NDRG2: variants seen among roughly 807,000 people sequenced by gnomAD.
The protein encoded by NDRG2 is protein NDRG2.
In NDRG2, 34 loss-of-function variants were observed where a neutral mutation model predicts 58.2. The ratio of observed to expected loss-of-function variants is 0.58; its 90% CI spans 0.44 to 0.78. The LOEUF (loss-of-function observed/expected upper bound fraction) is 0.78, where lower values mean the gene tolerates loss of function less well. Among genes scored for constraint, NDRG2 ranks in the 30% least tolerant of loss-of-function variants. NDRG2 has a pLI of 0.00. For synonymous variants in NDRG2, 187 were observed against 175.9 expected (o/e 1.06, Z -0.50); for missense variants, 434 against 471.2 (o/e 0.92, Z 0.73).
chr14:21,070,539 C>G lies in NDRG2; in HGVS notation c.24+289G>C. ...TGGGACTCTCCTCCCTCCCATCCCC[C>G]CTTCTTCGATTTGTCTGTCTGCCCG... is the stretch of plus-strand genomic sequence containing the variant. On this transcript the variant is annotated intron_variant, in intron 1 of 14. Coordinates refer to the NDRG2 transcript ENST00000403829. This position sits in a 1 kb window ranked among gnomAD's most constrained non-coding sequence, Gnocchi z 4.7. 1.8e-6 allele frequency: 2 copies of G among 1,088,530 alleles called. No homozygotes were observed. Among genetic ancestry groups the G allele is most frequent in the African/African-American group, 1.6e-5 (1 of 63,528 alleles). The allele number at this position is 1,088,530 out of a possible 1,614,324, so 67.4% of individuals were successfully genotyped here.
At chr14:21,060,965 T>C (rs1376351480) in intron 1 of NDRG2, among the ~76,000 whole-genome samples, 2 of 152,216 alleles carry the variant, frequency 1.3e-5, no homozygotes, top group Non-Finnish European at 2.9e-5. Flanking sequence ...TCAATACACA[T>C]TACGGCCTTG....
chr14:21,017,451 G>T lies in NDRG2; in HGVS notation c.*145C>A. ...ATCACGGGTTAAAGGTCAAGGTTAG[G>T]GTAGCAATCAAAGATCAAGGTCATC... On this transcript the variant is annotated 3_prime_UTR_variant, in exon 16 of 16. Coordinates refer to ENST00000556147, the MANE Select transcript of NDRG2 (RefSeq NM_001320329.2). 2.2e-6 allele frequency: 2 copies of T among 897,020 alleles called. No individual in the cohort carries two copies. Among genetic ancestry groups the T allele is most frequent in the Non-Finnish European group, 3.4e-6 (2 of 594,710 alleles). The allele number at this position is 897,020 out of a possible 1,614,324, so 55.6% of individuals were successfully genotyped here.
At chr14:21,031,176 G>A (rs777195711) in intron 1 of NDRG2, 1 of 1,612,440 alleles carries the variant, frequency 6.2e-7, no homozygotes, top group East Asian at 2.2e-5. Context: ...GTGAGTGACA[G>A]CCTTCATCCC....
rs113755330 is a variant in NDRG2 at position 21,020,690 on chromosome 14, G to T, written c.468+94C>A. 8.8e-5 allele frequency: 139 copies of T among 1,583,390 alleles called. No homozygotes were observed. In the African/African-American group the frequency reaches 1.7e-3, roughly 19 times the overall value. ...CCCACAGGGCCTGACTCCCCACCTAGTGCCCACTTCCTCCCCCAAACAGCA... is the reference window on the plus strand; with the variant it reads ...CCCACAGGGCCTGACTCCCCACCTATTGCCCACTTCCTCCCCCAAACAGCA... On this transcript the variant is annotated intron_variant, in intron 7 of 15. Coordinates refer to ENST00000556147, the MANE Select transcript of NDRG2 (RefSeq NM_001320329.2).
intron 1 of NDRG2, among the ~76,000 whole-genome samples, chr14:21,040,017 A>G (rs796979935): frequency 5.6e-4 from 85 of 152,294 alleles, no homozygotes; most frequent in African/African-American, 1.9e-3. Flanking sequence ...TCCACTCCAA[A>G]GGCTAGACTG....
intron 1 of NDRG2, among the ~76,000 whole-genome samples, chr14:21,067,403 G>A (rs1415756460): frequency 1.3e-5 from 2 of 152,108 alleles, no homozygotes; most frequent in African/African-American, 4.8e-5. Flanking sequence ...TGGTGATGTG[G>A]TGTTTAAAAC....
chr14:21,043,387 T>C (rs778543690), intron 1 of NDRG2: 1 of 1,614,072 alleles, frequency 6.2e-7, no homozygotes, highest in Admixed American at 1.7e-5. Flanking sequence ...TCTTACGTAG[T>C]GGCCTGTAAG....
upstream of NDRG2, chr14:21,025,729 A>G (rs1883507283): frequency 3.6e-6 from 2 of 560,734 alleles, no homozygotes; most frequent in Non-Finnish European, 4.4e-6. This position sits in a 1 kb window ranked among gnomAD's most constrained non-coding sequence, Gnocchi z 5.1. Flanking sequence ...CTCCGGGAGA[A>G]GTTGGACAAC....
Position 21,063,762 on chromosome 14 carries a change from G to A in NDRG2, c.24+7066C>T, listed in dbSNP as rs1372258200. 2.0e-5 allele frequency among the ~76,000 whole-genome samples: 3 copies of A among 152,196 alleles called. No individual in the cohort carries two copies. The East Asian group carries it at 5.8e-4, about 29-fold the overall frequency. Reference sequence around the variant, plus strand: ...TCATTTAACAAAATGTGGTTTTGGAGCAAAGGGCTGGGGGTAGGAAAATGT... The same window carrying A: ...TCATTTAACAAAATGTGGTTTTGGAACAAAGGGCTGGGGGTAGGAAAATGT... On this transcript the variant is annotated intron_variant, in intron 1 of 14. Coordinates refer to the NDRG2 transcript ENST00000403829.
chr14:21,025,805 CG>C (rs1883527926), upstream of NDRG2: 5 of 203,918 alleles, frequency 2.5e-5, no homozygotes, highest in African/African-American at 1.8e-4. The surrounding 1 kb of genome is among the most constrained non-coding windows in gnomAD (Gnocchi z 5.1). Context: ...CGCGGGCAGG[CG>C]GGGGGTGGGG....
intron 1 of NDRG2, chr14:21,031,861 AAG>A: frequency 6.2e-7 from 1 of 1,605,350 alleles, no homozygotes; most frequent in Non-Finnish European, 8.5e-7. Context: ...TAAGGAAAGG[AAG>A]AGAGCTCAAA....
At position 21,070,610 on chromosome 14, in the gene NDRG2, C is replaced by T. The variant is rs1047106344; in HGVS notation, c.24+218G>A. On this transcript the variant is annotated intron_variant, in intron 1 of 14. Transcript: ENST00000403829. This position sits in a 1 kb window ranked among gnomAD's most constrained non-coding sequence, Gnocchi z 4.7. ...CCGGGTATTGCCCTCACCCTTTCTTCCTCCTCTCCTCCGCCTCCTCCCCCA... is the reference window on the plus strand; with the variant it reads ...CCGGGTATTGCCCTCACCCTTTCTTTCTCCTCTCCTCCGCCTCCTCCCCCA... Among the ~76,000 whole-genome samples, 3 of 152,066 alleles carry T rather than the reference C, an allele frequency of 2.0e-5. No homozygotes were observed. The highest frequency in any genetic ancestry group is 7.2e-5 in the African/African-American group (3 of 41,388).
intron 1 of NDRG2, among the ~76,000 whole-genome samples, chr14:21,035,362 C>T (rs1384745864): frequency 3.3e-5 from 5 of 152,318 alleles, no homozygotes; most frequent in African/African-American, 7.2e-5. Flanking sequence ...TGATCCGTTT[C>T]GTACTGTTGG....
Position 21,022,373 on chromosome 14 carries a change from G to A in NDRG2, c.223+19C>T, listed in dbSNP as rs746564994. 1 of 1,603,288 alleles carries A rather than the reference G, an allele frequency of 6.2e-7. No homozygotes were observed. The highest frequency in any genetic ancestry group is 1.7e-5 in the Admixed American group (1 of 59,984). ...AGCCTCTTCCCAGACAGGAGTGGGA[G>A]ATGAATGAAGGTCCTTACAGTTGAG... On this transcript the variant is annotated intron_variant, in intron 4 of 15. Transcript: ENST00000556147.
chr14:21,017,511 G>C lies in NDRG2; in HGVS notation c.*85C>G. ...GATCTGCCCTTTTTCCCTTGCTTAC[G>C]GTGGCCCAATGCCCCTTCAGCACCT... On this transcript the variant is annotated 3_prime_UTR_variant, in exon 16 of 16. Coordinates refer to ENST00000556147, the MANE Select transcript of NDRG2 (RefSeq NM_001320329.2). 2.1e-6 allele frequency: 3 copies of C among 1,439,530 alleles called. No individual in the cohort carries two copies. The highest frequency in any genetic ancestry group is 2.8e-6 in the Non-Finnish European group (3 of 1,066,854). The allele number at this position is 1,439,530 out of a possible 1,614,324, so 89.2% of individuals were successfully genotyped here. A position where few individuals can be genotyped will look rare whatever the true frequency, so the allele number is the denominator to read the frequency against.
intron 1 of NDRG2, among the ~76,000 whole-genome samples, chr14:21,048,892 C>T (rs1885333471): frequency 1.3e-5 from 2 of 152,196 alleles, no homozygotes; most frequent in African/African-American, 4.8e-5. Context: ...GGTTCAAGGT[C>T]AGACAAAAAG....
At chr14:21,031,966 T>G in intron 1 of NDRG2, 1 of 1,614,072 alleles carries the variant, frequency 6.2e-7, no homozygotes, top group Non-Finnish European at 8.5e-7. Flanking sequence ...AGGAGCGCTT[T>G]GATGAGAGTG....
chr14:21,058,001 T>C (rs1445005016), intron 1 of NDRG2: 4 of 1,613,930 alleles, frequency 2.5e-6, no homozygotes, highest in African/African-American at 2.7e-5. Context: ...ATCATCTCAG[T>C]GGTTTAAAAC....
At chr14:21,043,192 A>C (rs1594497206) in intron 1 of NDRG2, 2 of 1,613,930 alleles carry the variant, frequency 1.2e-6, no homozygotes, top group Non-Finnish European at 1.7e-6. Flanking sequence ...CGGTGCAAAG[A>C]CCTCAACACC....
Sources: allele counts gnomAD v4.1 joint callset (sites outside exome capture counted in the v4.1 genomes callset), GRCh38; gene constraint gnomAD v4.1.1; non-coding constraint Gnocchi (gnomAD v3.1); transcripts MANE v1.5; gene names NCBI Gene and HGNC (gene_info 2026-07-23, HGNC 2026-07-21).